BMAL2: variants seen among roughly 807,000 people sequenced by gnomAD.
BMAL2 encodes basic helix-loop-helix ARNT like 2.
the BMAL2 span, among the ~76,000 whole-genome samples, chr12:27,420,019 G>GCACA: frequency 0.095 from 14,046 of 147,418 alleles, 799 homozygotes; most frequent in Middle Eastern, 0.13. Flanking sequence ...GTTTGCGCGT[G>GCACA]CACACACACA....
chr12:27,362,039 C>A, the BMAL2 span, among the ~76,000 whole-genome samples: 14 of 149,982 alleles, frequency 9.3e-5, no homozygotes, highest in East Asian at 2.0e-4. Context: ...AAAAAAAAAT[C>A]TTCGTTTTAT....
At chr12:27,416,039 T>A in the BMAL2 span, 1 of 891,284 alleles carries the variant, frequency 1.1e-6, no homozygotes, top group Non-Finnish European at 1.7e-6. Flanking sequence ...AAGAAGCCAT[T>A]CTGTCAAAAA....
chr12:27,421,147 A>G, the BMAL2 span: 2 of 152,306 alleles, frequency 1.3e-5, no homozygotes, highest in Admixed American at 1.3e-4. Context: ...AAGTGAGATG[A>G]TTTCTTGCTT....
At chr12:27,408,010 C>A in the BMAL2 span, among the ~76,000 whole-genome samples, 2 of 152,066 alleles carry the variant, frequency 1.3e-5, no homozygotes, top group Admixed American at 6.5e-5. Context: ...TGGATAAATT[C>A]CTGACACATA....
the BMAL2 span, among the ~76,000 whole-genome samples, chr12:27,405,149 C>A: frequency 2.0e-5 from 3 of 152,192 alleles, no homozygotes; most frequent in Admixed American, 2.0e-4. Context: ...GCCTGCCTGC[C>A]TCTGTAGACT....
At chr12:27,340,650 T>C in the BMAL2 span, among the ~76,000 whole-genome samples, 8 of 152,192 alleles carry the variant, frequency 5.3e-5, no homozygotes, top group Non-Finnish European at 1.2e-4. Flanking sequence ...AAGAATGTCA[T>C]TGGTAGTTTG....
chr12:27,366,820 A>G, the BMAL2 span, among the ~76,000 whole-genome samples: 3 of 152,380 alleles, frequency 2.0e-5, no homozygotes, highest in South Asian at 6.2e-4. Context: ...GAGAGTGGTT[A>G]AATAACTGGA....
the BMAL2 span, among the ~76,000 whole-genome samples, chr12:27,388,215 T>C: frequency 6.6e-6 from 1 of 152,164 alleles, no homozygotes; most frequent in East Asian, 1.9e-4. Context: ...GAAGAGGCTA[T>C]TAAGAGACTT....
the BMAL2 span, among the ~76,000 whole-genome samples, chr12:27,410,775 TA>T: frequency 6.6e-6 from 1 of 151,994 alleles, no homozygotes; most frequent in Non-Finnish European, 1.5e-5. Flanking sequence ...AAAAATAAAA[TA>T]AAACTAAAGC....
the BMAL2 span, among the ~76,000 whole-genome samples, chr12:27,359,260 A>G: frequency 6.6e-6 from 1 of 152,204 alleles, no homozygotes; most frequent in Non-Finnish European, 1.5e-5. Flanking sequence ...TCCTTGTTGC[A>G]AGAACAATGA....
At chr12:27,362,525 A>G in the BMAL2 span, among the ~76,000 whole-genome samples, 1 of 152,224 alleles carries the variant, frequency 6.6e-6, no homozygotes, top group Non-Finnish European at 1.5e-5. Context: ...GAGGTAGAAC[A>G]TGAATTCCTT....
At chr12:27,386,914 TTAG>T in the BMAL2 span, among the ~76,000 whole-genome samples, 2 of 152,222 alleles carry the variant, frequency 1.3e-5, no homozygotes, top group East Asian at 3.9e-4. Context: ...ATAGGCTCAT[TTAG>T]TGCTGTATTT....
At chr12:27,364,064 G>A in the BMAL2 span, among the ~76,000 whole-genome samples, 4,513 of 152,270 alleles carry the variant, frequency 0.03, 90 homozygotes, top group South Asian at 0.09. Flanking sequence ...CTGCTTCTAC[G>A]ATGGTATCTT....
the BMAL2 span, among the ~76,000 whole-genome samples, chr12:27,384,678 T>A: frequency 1.3e-5 from 2 of 152,126 alleles, no homozygotes; most frequent in Non-Finnish European, 2.9e-5. Flanking sequence ...TATGATAAAG[T>A]TTAACTTATA....
the BMAL2 span, among the ~76,000 whole-genome samples, chr12:27,355,114 T>A: frequency 6.6e-6 from 1 of 152,174 alleles, no homozygotes; most frequent in Non-Finnish European, 1.5e-5. Flanking sequence ...ACGTTATTCC[T>A]CACTGTCATT....
chr12:27,334,606 TA>T, the BMAL2 span, among the ~76,000 whole-genome samples: 1 of 152,252 alleles, frequency 6.6e-6, no homozygotes, highest in East Asian at 1.9e-4. Flanking sequence ...ATGCACCTAC[TA>T]ATTCCCCAGA....
the BMAL2 span, among the ~76,000 whole-genome samples, chr12:27,358,748 A>T: frequency 1.1e-4 from 17 of 152,306 alleles, no homozygotes; most frequent in African/African-American, 3.6e-4. Flanking sequence ...GCACTTATAC[A>T]TGCACAAAAA....
At chr12:27,333,065 C>T in the BMAL2 span, 23 of 1,202,934 alleles carry the variant, frequency 1.9e-5, no homozygotes, top group Non-Finnish European at 2.2e-5. Context: ...GACCAAGTGG[C>T]TCCTGCGATG....
chr12:27,336,173 A>G, the BMAL2 span, among the ~76,000 whole-genome samples: 1 of 152,224 alleles, frequency 6.6e-6, no homozygotes, highest in Non-Finnish European at 1.5e-5. Flanking sequence ...GTCATTAGTC[A>G]GCATCATCAT....
Sources: gnomAD v4.1 joint callset for allele counts (sites outside exome capture counted in the v4.1 genomes callset) on GRCh38, gnomAD v4.1.1 for gene constraint, MANE v1.5 for transcripts, NCBI Gene and HGNC (gene_info 2026-07-23, HGNC 2026-07-21) for gene names.